VPS13B: variants seen among roughly 807,000 people sequenced by gnomAD.
The protein encoded by VPS13B is vacuolar protein sorting 13 homolog B.
VPS13B carries 285 observed loss-of-function variants against 426.4 expected under a neutral mutation model. The observed-to-expected ratio is 0.67, with a 90% CI of 0.61 to 0.74. The LOEUF is 0.74. Ranked by LOEUF, VPS13B falls within the 30% of genes least tolerant of loss-of-function variation. The pLI, the probability that VPS13B is intolerant of heterozygous loss-of-function variation, is 0.00. For missense variants in VPS13B, 4,537 were observed against 4,782.6 expected, an observed-to-expected ratio of 0.95 and a Z score of 1.51; for synonymous variants, 1,676 against 1,676.4, an observed-to-expected ratio of 1.00 and a Z score of 0.01.
chr8:99,358,890 T>C (rs921981519), intron 19 of VPS13B, among the ~76,000 whole-genome samples: 1 of 152,206 alleles, frequency 6.6e-6, no homozygotes, highest in Non-Finnish European at 1.5e-5. Context: ...TGATTACTAT[T>C]GAATCCTTAA....
intron 14 of VPS13B, among the ~76,000 whole-genome samples, chr8:99,150,660 CT>C (rs1055128915): frequency 7.2e-5 from 11 of 152,134 alleles, no homozygotes; most frequent in Non-Finnish European, 1.6e-4. Context: ...ACATTGGCTT[CT>C]TTTACTTAGT....
intron 33 of VPS13B, among the ~76,000 whole-genome samples, chr8:99,635,792 A>G (rs1056535108): frequency 3.3e-5 from 5 of 152,006 alleles, no homozygotes; most frequent in Non-Finnish European, 7.4e-5. Context: ...GCTACTGAAG[A>G]ACATCTAATT....
At position 99,790,572 on chromosome 8, in the gene VPS13B, A is replaced by G. The variant is rs188949829; in HGVS notation, c.7941+6096A>G. On this transcript the variant is annotated intron_variant, in intron 43 of 61. Transcript: ENST00000357162. ...GACAGAGAGAAATGAGGGGTGAATA[A>G]TGAAAACACTAGCCATAGGGAAGAA... Among the ~76,000 whole-genome samples, 12 of 152,318 alleles carry G rather than the reference A, an allele frequency of 7.9e-5. No individual in the cohort carries two copies. The East Asian group carries it at 2.3e-3, about 29-fold the overall frequency.
At chr8:99,143,287 T>C in intron 13 of VPS13B, 122 bp downstream of exon 13, 1 of 1,192,112 alleles carries the variant, frequency 8.4e-7, no homozygotes, top group South Asian at 1.3e-5. Flanking sequence ...GCAAGGACTT[T>C]GATATATGTA....
intron 12 of VPS13B, among the ~76,000 whole-genome samples, 190 bp downstream of exon 12, chr8:99,136,942 T>A (rs1176218845): frequency 6.6e-6 from 1 of 152,198 alleles, no homozygotes; most frequent in Non-Finnish European, 1.5e-5. Flanking sequence ...ATCCATTCTT[T>A]ATACAGCTGA....
At chr8:99,129,839 T>A (rs1178831120) in intron 8 of VPS13B, among the ~76,000 whole-genome samples, 1 of 152,084 alleles carries the variant, frequency 6.6e-6, no homozygotes, top group Non-Finnish European at 1.5e-5. Context: ...CTGGGCAACA[T>A]GGTGAGACCC....
chr8:99,295,833 C>A (rs972521193), intron 19 of VPS13B, among the ~76,000 whole-genome samples: 1 of 152,024 alleles, frequency 6.6e-6, no homozygotes, highest in Non-Finnish European at 1.5e-5. Context: ...TTGAGGCCAA[C>A]CTAAACAACA....
Position 99,772,100 on chromosome 8 carries a change from C to T in VPS13B, c.7248-4675C>T, listed in dbSNP as rs541671416. 4.6e-5 allele frequency among the ~76,000 whole-genome samples: 7 copies of T among 152,302 alleles called. No individual in the cohort carries two copies. In the South Asian group the frequency reaches 1.5e-3, roughly 32 times the overall value. On this transcript the variant is annotated intron_variant, in intron 40 of 61. Transcript: ENST00000357162. ...GCAGTCCTTCTTGCATACACAGTCC[C>T]TGAAGTACTCAGGTGCTGCTCAGGT...
At chr8:99,132,483 A>C (rs1048338135) in intron 8 of VPS13B, among the ~76,000 whole-genome samples, 3 of 152,132 alleles carry the variant, frequency 2.0e-5, no homozygotes, top group Non-Finnish European at 4.4e-5. Flanking sequence ...AACTTCTTTC[A>C]AGCTCTTGTT....
chr8:99,288,896 ATAGT>A (rs1233940656), intron 19 of VPS13B, among the ~76,000 whole-genome samples: 1 of 152,038 alleles, frequency 6.6e-6, no homozygotes, highest in Non-Finnish European at 1.5e-5. Context: ...ATTGATTGTC[ATAGT>A]TAAACTCCAA....
intron 56 of VPS13B, among the ~76,000 whole-genome samples, chr8:99,858,276 C>T (rs1190409688): frequency 6.6e-6 from 1 of 152,238 alleles, no homozygotes; most frequent in Non-Finnish European, 1.5e-5. Flanking sequence ...CCCAAATCCC[C>T]ACCCCAGAGA....
At chr8:99,529,613 C>A (rs912781395) in intron 30 of VPS13B, among the ~76,000 whole-genome samples, 2 of 152,026 alleles carry the variant, frequency 1.3e-5, no homozygotes, top group Non-Finnish European at 2.9e-5. Flanking sequence ...AAATAGTTAC[C>A]AGGGCAATTC....
At chr8:99,704,236 T>C (rs1163383238) in intron 36 of VPS13B, among the ~76,000 whole-genome samples, 1 of 152,158 alleles carries the variant, frequency 6.6e-6, no homozygotes, top group African/African-American at 2.4e-5. Flanking sequence ...ACCACATTAT[T>C]TTTCACATAT....
In VPS13B at chr8:99,365,516, C is replaced by CTTCTTTTTT. The variant is rs71273182; in HGVS notation, c.2825-18690_2825-18689insCTTTTTTTT. On this transcript the variant is annotated intron_variant, in intron 19 of 61. Transcript: ENST00000357162. ...TTCCAATTTTCTTCTTCTTCTTCTT[C>CTTCTTTTTT]TTTTTTTTTTTTTTTTTTGAGGCGG... Among the ~76,000 whole-genome samples the CTTCTTTTTT allele has an allele frequency of 4.3e-4, 44 of 102,408 alleles. 1 individual carries two copies. The highest frequency in any genetic ancestry group is 6.0e-4 in the African/African-American group (15 of 24,960). The allele number at this position is 102,408 out of a possible 152,430, so 67.2% of individuals were successfully genotyped here. A position where few individuals can be genotyped will look rare whatever the true frequency, so the allele number is the denominator to read the frequency against.
At chr8:99,797,960 A>G (rs1314994979) in intron 43 of VPS13B, among the ~76,000 whole-genome samples, 7 of 152,136 alleles carry the variant, frequency 4.6e-5, no homozygotes, top group Non-Finnish European at 1.0e-4. Flanking sequence ...TGTGTAGGGC[A>G]CAGCTGTCTG....
intron 33 of VPS13B, among the ~76,000 whole-genome samples, chr8:99,633,806 G>GGTGTGTGTGTGTGTGTGTGTGTGTGT (rs139474452): frequency 2.0e-4 from 29 of 143,960 alleles, no homozygotes; most frequent in African/African-American, 6.7e-4. Flanking sequence ...GAATGTGTCA[G>GGTGTGTGTGTGTGTGTGTGTGTGTGT]GTGTGTGTGT....
At chr8:99,819,271 C>A in intron 47 of VPS13B, 141 bp from the exon 48 acceptor site, 1 of 976,892 alleles carries the variant, frequency 1.0e-6, no homozygotes, top group Non-Finnish European at 1.5e-6. Context: ...CCCAGATCAT[C>A]CACACACTGT....
chr8:99,663,122 G>T (rs535361851), intron 35 of VPS13B, among the ~76,000 whole-genome samples: 6 of 152,040 alleles, frequency 3.9e-5, no homozygotes, highest in Non-Finnish European at 5.9e-5. Context: ...GCAATACCCC[G>T]CAAGGCATGA....
chr8:99,197,619 A>G (rs1175039061), intron 17 of VPS13B, among the ~76,000 whole-genome samples: 1 of 152,086 alleles, frequency 6.6e-6, no homozygotes, highest in East Asian at 1.9e-4. Context: ...ATGAGTCTCT[A>G]TATTTCTGTT....
Sources: gnomAD v4.1 joint callset for allele counts (sites outside exome capture counted in the v4.1 genomes callset) on GRCh38, gnomAD v4.1.1 for gene constraint, MANE v1.5 for transcripts, NCBI Gene and HGNC (gene_info 2026-07-23, HGNC 2026-07-21) for gene names.